The following UBTD2 variants were observed in gnomAD, a reference collection of about 807,000 sequenced individuals.
The protein encoded by UBTD2 is ubiquitin domain containing 2.
Under a neutral mutation model 19.8 loss-of-function variants are expected in UBTD2, and 9 were observed. That is an observed-to-expected ratio of 0.46 (90% CI 0.27 to 0.79). The LOEUF is 0.79. UBTD2 is among the 30% of genes least tolerant of loss of function. The probability of loss-of-function intolerance (pLI) is 0.14; values close to 1 mark genes in which losing one functional copy is unlikely to be tolerated. For synonymous variants in UBTD2, 98 were observed against 103.9 expected, an observed-to-expected ratio of 0.94 and a Z score of 0.35; for missense variants, 250 against 300.4, an observed-to-expected ratio of 0.83 and a Z score of 1.24.
chr5:172,244,294 AGTTTT>A (rs1772194729), intron 1 of UBTD2, among the ~76,000 whole-genome samples: 1 of 89,080 alleles, frequency 1.1e-5, no homozygotes, highest in Admixed American at 1.2e-4. Flanking sequence ...CTTTCCTCCC[AGTTTT>A]TTTTTTTTTT....
chr5:172,262,462 A>C (rs1053084189), intron 1 of UBTD2, among the ~76,000 whole-genome samples: 9 of 151,246 alleles, frequency 6.0e-5, no homozygotes, highest in Non-Finnish European at 1.2e-4. Flanking sequence ...AAAAAAAAAA[A>C]AAAAAACAAG....
chr5:172,217,431 A>C (rs1386318031), intron 2 of UBTD2, among the ~76,000 whole-genome samples: 3 of 152,090 alleles, frequency 2.0e-5, no homozygotes, highest in African/African-American at 7.2e-5. Flanking sequence ...AAAAAAAAAA[A>C]AAAAAGAAAG....
chr5:172,210,690 TA>T lies in UBTD2; in HGVS notation c.*1139del, dbSNP rs1771424928. On this transcript the variant is annotated 3_prime_UTR_variant, in exon 3 of 3. Transcript: ENST00000393792. The stretch of plus-strand genomic sequence containing the variant: ...ACTAAGGTATAAAGCAATGTTTCAT[TA>T]TTTGGTCTCACTGCTAATGTTTATG... 6.6e-6 allele frequency: 1 copy of T among 152,134 alleles called. No individual in the cohort carries two copies. The highest frequency in any genetic ancestry group is 2.1e-4 in the South Asian group (1 of 4,822). The allele number at this position is 152,134 out of a possible 1,614,324, so 9.4% of individuals were successfully genotyped here.
rs562871936 is a variant in UBTD2, at chr5:172,233,001, C to T, written c.307+1121G>A. Reference sequence around the variant, plus strand: ...ACTAAAAATACAAAAATTAGCCAGGCATGGTGGGGAAGCTGAGGCACGAGA... The same window carrying T: ...ACTAAAAATACAAAAATTAGCCAGGTATGGTGGGGAAGCTGAGGCACGAGA... On this transcript the variant is annotated intron_variant, in intron 2 of 2. Coordinates refer to ENST00000393792, the MANE Select transcript of UBTD2 (RefSeq NM_152277.3). Among the ~76,000 whole-genome samples, 34 of 152,114 alleles carry T rather than the reference C, an allele frequency of 2.2e-4. 1 individual carries two copies. Among genetic ancestry groups the T allele is most frequent in the Non-Finnish European group, 4.4e-4 (30 of 67,982 alleles).
At chr5:172,239,413 C>A (rs1772078513) in intron 1 of UBTD2, among the ~76,000 whole-genome samples, 1 of 151,910 alleles carries the variant, frequency 6.6e-6, no homozygotes, top group Non-Finnish European at 1.5e-5. Context: ...CATGGTGAAA[C>A]CCCGTCTCTC....
At position 172,246,313 on chromosome 5, in the gene UBTD2, A is replaced by C. The variant is rs191555299; in HGVS notation, c.71-11955T>G. On this transcript the variant is annotated intron_variant, in intron 1 of 2. Coordinates refer to ENST00000393792, the MANE Select transcript of UBTD2 (RefSeq NM_152277.3). ...AATCCAAATGAAGGCAGAAAACAGA[A>C]AGCAAAGGAAAAAAAACCGGAGGGA... Among the ~76,000 whole-genome samples the C allele has an allele frequency of 3.6e-3, 548 of 152,262 alleles. 1 individual carries two copies. The highest frequency in any genetic ancestry group is 6.8e-3 in the Middle Eastern group (2 of 294).
chr5:172,245,425 T>C (rs73802421), intron 1 of UBTD2, among the ~76,000 whole-genome samples: 5,165 of 152,196 alleles, frequency 0.034, 100 homozygotes, highest in African/African-American at 0.056. Flanking sequence ...CATGGAACAG[T>C]CCCAAAACAA....
rs1771401461 is a variant in UBTD2 at position 172,209,757 on chromosome 5, C to G, written c.*2073G>C. The stretch of plus-strand genomic sequence containing the variant: ...TATCAATCTATTTACAATTAAACAG[C>G]ACCATGGTTTTCCCACCTAGGTTAG... On this transcript the variant is annotated 3_prime_UTR_variant, in exon 3 of 3. Coordinates refer to ENST00000393792, the MANE Select transcript of UBTD2 (RefSeq NM_152277.3). The G allele has an allele frequency of 6.6e-6, 1 of 151,826 alleles. No individual in the cohort carries two copies. Among genetic ancestry groups the G allele is most frequent in the Admixed American group, 6.6e-5 (1 of 15,202 alleles). The allele number at this position is 151,826 out of a possible 1,614,324, so 9.4% of individuals were successfully genotyped here.
At chr5:172,274,040 G>A (rs891327505) in intron 1 of UBTD2, among the ~76,000 whole-genome samples, 10 of 151,282 alleles carry the variant, frequency 6.6e-5, no homozygotes, top group Non-Finnish European at 1.0e-4. Flanking sequence ...AGAGCTCACC[G>A]ACCCAGAAAA....
chr5:172,253,926 A>G (rs762145316), intron 1 of UBTD2, among the ~76,000 whole-genome samples: 1 of 152,168 alleles, frequency 6.6e-6, no homozygotes, highest in Admixed American at 6.5e-5. Flanking sequence ...GGAAAAAAAA[A>G]GTGTTCTCAT....
intron 1 of UBTD2, among the ~76,000 whole-genome samples, chr5:172,257,782 T>C (rs1755186705): frequency 6.6e-6 from 1 of 152,254 alleles, no homozygotes; most frequent in Non-Finnish European, 1.5e-5. Context: ...TGAGCATTTT[T>C]TCACATACTT....
chr5:172,241,913 C>T lies in UBTD2; in HGVS notation c.71-7555G>A, dbSNP rs1191274969. 3.3e-5 allele frequency among the ~76,000 whole-genome samples: 5 copies of T among 152,126 alleles called. No homozygotes were observed. The South Asian group carries it at 8.3e-4, about 25-fold the overall frequency. On this transcript the variant is annotated intron_variant, in intron 1 of 2. Transcript: ENST00000393792. ...ATATACCTGTAGTCCCAGCTACTTG[C>T]GGACTGAGGTGGGAGGATCACTAGA...
chr5:172,212,333 G>C, intron 2 of UBTD2, 106 bp from the exon 3 acceptor site: 1 of 1,211,340 alleles, frequency 8.3e-7, no homozygotes, highest in Non-Finnish European at 1.1e-6. Flanking sequence ...GCACTGTAGA[G>C]AAAAAACATC....
intron 1 of UBTD2, among the ~76,000 whole-genome samples, chr5:172,257,858 G>C (rs2113088463): frequency 6.6e-6 from 1 of 152,150 alleles, no homozygotes; most frequent in East Asian, 1.9e-4. Context: ...TTTTTAATGG[G>C]GTTGTTTGCT....
In UBTD2 at chr5:172,252,037, T is replaced by A. The variant is rs533608226; in HGVS notation, c.71-17679A>T. On this transcript the variant is annotated intron_variant, in intron 1 of 2. Transcript: ENST00000393792. ...CAGTACCTGTCACAAAGAAAACACA[T>A]AAATGTACACTGAATTAGAAGAAGT... Among the ~76,000 whole-genome samples the A allele has an allele frequency of 1.2e-4, 18 of 152,292 alleles. No homozygotes were observed. The South Asian group carries it at 3.7e-3, about 32-fold the overall frequency.
intron 1 of UBTD2, among the ~76,000 whole-genome samples, chr5:172,275,834 T>C (rs1259711528): frequency 6.6e-6 from 1 of 152,196 alleles, no homozygotes. Context: ...TTCCCAGATA[T>C]CTTTCTTATT....
Position 172,210,184 on chromosome 5 carries a change from G to A in UBTD2, c.*1646C>T, listed in dbSNP as rs917486767. 6.6e-6 allele frequency: 1 copy of A among 152,156 alleles called. No homozygotes were observed. The highest frequency in any genetic ancestry group is 1.5e-5 in the Non-Finnish European group (1 of 68,034). 9.4% of individuals were successfully genotyped at this position (152,156 alleles called of 1,614,324 possible). The stretch of plus-strand genomic sequence containing the variant: ...CTTTAAAATGATTGCATAAAAATAA[G>A]GAAGTAGTTAAAGCTCTCAGAAACA... On this transcript the variant is annotated 3_prime_UTR_variant, in exon 3 of 3. Transcript: ENST00000393792.
chr5:172,266,981 AC>A (rs367648325), intron 1 of UBTD2, among the ~76,000 whole-genome samples: 102 of 151,104 alleles, frequency 6.8e-4, no homozygotes, highest in African/African-American at 2.4e-3. Flanking sequence ...GGAGTTTGAG[AC>A]TGCAGTGAAC....
At chr5:172,266,956 T>C (rs370327572) in intron 1 of UBTD2, among the ~76,000 whole-genome samples, 1 of 151,256 alleles carries the variant, frequency 6.6e-6, no homozygotes, top group Admixed American at 6.6e-5. Context: ...AGGCAGGGGA[T>C]TGCTTGACCG....
Sources: gnomAD v4.1 joint callset for allele counts (sites outside exome capture counted in the v4.1 genomes callset) on GRCh38, gnomAD v4.1.1 for gene constraint, MANE v1.5 for transcripts, NCBI Gene and HGNC (gene_info 2026-07-23, HGNC 2026-07-21) for gene names.